KCNIP4: variants seen among roughly 807,000 people sequenced by gnomAD.
The protein encoded by KCNIP4 is potassium voltage-gated channel interacting protein 4.
Under a neutral mutation model 34.0 loss-of-function variants are expected in KCNIP4, and 12 were observed. The observed-to-expected ratio is 0.35, with a 90% CI of 0.23 to 0.57. The LOEUF is 0.57. Among genes scored for constraint, KCNIP4 ranks in the 20% least tolerant of loss-of-function variants. KCNIP4 has a pLI of 0.83. For synonymous variants in KCNIP4, 124 were observed against 102.2 expected (o/e 1.21, Z -1.29); for missense variants, 238 against 311.7 (o/e 0.76, Z 1.78).
intron 1 of KCNIP4, among the ~76,000 whole-genome samples, chr4:21,899,875 A>T (rs1041677175): frequency 6.6e-6 from 1 of 152,178 alleles, no homozygotes; most frequent in African/African-American, 2.4e-5. Context: ...TAAGCAATCT[A>T]CAGATTCAAT....
intron 1 of KCNIP4, among the ~76,000 whole-genome samples, chr4:20,887,514 C>T (rs927412625): frequency 5.3e-5 from 8 of 151,564 alleles, no homozygotes; most frequent in African/African-American, 1.5e-4. Flanking sequence ...GAAAAGGACC[C>T]GTACATACAA....
At chr4:21,125,090 G>T (rs1177567025) in intron 1 of KCNIP4, among the ~76,000 whole-genome samples, 4 of 150,356 alleles carry the variant, frequency 2.7e-5, no homozygotes, top group African/African-American at 9.8e-5. Context: ...TGAACTCTTT[G>T]CTATTGAGAA....
intron 1 of KCNIP4, among the ~76,000 whole-genome samples, chr4:21,062,070 G>A (rs78567813): frequency 0.098 from 14,912 of 152,132 alleles, 908 homozygotes; most frequent in African/African-American, 0.17. Context: ...TATGTGGTAC[G>A]TTGCTATGGC....
intron 1 of KCNIP4, among the ~76,000 whole-genome samples, chr4:21,915,438 T>G (rs1039901094): frequency 1.3e-5 from 2 of 152,230 alleles, no homozygotes; most frequent in Non-Finnish European, 2.9e-5. Flanking sequence ...TAGATAAGCA[T>G]CATTATGAAC....
At chr4:21,362,941 A>G (rs1261512360) in intron 1 of KCNIP4, among the ~76,000 whole-genome samples, 6 of 152,156 alleles carry the variant, frequency 3.9e-5, no homozygotes, top group African/African-American at 9.7e-5. Context: ...TTATTTAGCC[A>G]TATCTCCAGC....
chr4:21,371,349 G>T (rs1158023077), intron 1 of KCNIP4, among the ~76,000 whole-genome samples: 1 of 146,364 alleles, frequency 6.8e-6, no homozygotes, highest in Non-Finnish European at 1.5e-5. Context: ...CCCAGAATTG[G>T]AATAGTTTTG....
At chr4:20,962,388 C>T (rs557287322) in intron 1 of KCNIP4, among the ~76,000 whole-genome samples, 2 of 152,314 alleles carry the variant, frequency 1.3e-5, no homozygotes, top group South Asian at 2.1e-4. Flanking sequence ...TAACCAAAGC[C>T]TCCCACCTGG....
chr4:20,917,001 A>T (rs1304097210), intron 1 of KCNIP4, among the ~76,000 whole-genome samples: 1 of 3,756 alleles, frequency 2.7e-4, no homozygotes, highest in Non-Finnish European at 5.0e-4. Context: ...ATATATATAT[A>T]TATATATATA....
chr4:21,306,386 TGA>T (rs1028532646), intron 1 of KCNIP4, among the ~76,000 whole-genome samples: 2 of 152,174 alleles, frequency 1.3e-5, no homozygotes, highest in East Asian at 1.9e-4. Flanking sequence ...TTCTTTTTTT[TGA>T]GAGAGAGAGA....
chr4:21,053,108 C>G (rs1023556209), intron 1 of KCNIP4, among the ~76,000 whole-genome samples: 2 of 151,730 alleles, frequency 1.3e-5, no homozygotes, highest in African/African-American at 4.8e-5. Flanking sequence ...CCACTTCAGA[C>G]CAAAGGGACC....
At chr4:21,772,051 C>T (rs1718831671) in intron 1 of KCNIP4, among the ~76,000 whole-genome samples, 1 of 152,132 alleles carries the variant, frequency 6.6e-6, no homozygotes. Context: ...ATGATATTGG[C>T]TGTGGGTTTG....
At position 20,869,227 on chromosome 4, in the gene KCNIP4, C is replaced by T. The variant is rs1313122856; in HGVS notation, c.163+13381G>A. Among the ~76,000 whole-genome samples the T allele has an allele frequency of 1.1e-4, 16 of 152,106 alleles. No homozygotes were observed. In the South Asian group the frequency reaches 3.3e-3, roughly 32 times the overall value. ...AAGTATTCTGCACTAAAACATTTAT[C>T]CATCTATGTTTAAAAAAGCTATTAG... On this transcript the variant is annotated intron_variant, in intron 2 of 8. Transcript: ENST00000382152.
chr4:21,504,572 A>G (rs984123833), intron 1 of KCNIP4, among the ~76,000 whole-genome samples: 1 of 151,990 alleles, frequency 6.6e-6, no homozygotes, highest in African/African-American at 2.4e-5. Context: ...GGAAGGGAAA[A>G]ATAAATAAAT....
At chr4:21,390,416 T>C (rs1474002816) in intron 1 of KCNIP4, among the ~76,000 whole-genome samples, 1 of 152,216 alleles carries the variant, frequency 6.6e-6, no homozygotes, top group Non-Finnish European at 1.5e-5. Context: ...GGTTTTCTTC[T>C]AGGGTTTTTA....
At chr4:21,766,464 C>T (rs754368505) in intron 1 of KCNIP4, among the ~76,000 whole-genome samples, 8 of 152,132 alleles carry the variant, frequency 5.3e-5, no homozygotes, top group Admixed American at 5.2e-4. Context: ...CTCTGTTCCC[C>T]TTGCCTCCCC....
intron 1 of KCNIP4, among the ~76,000 whole-genome samples, chr4:21,089,627 T>C (rs1746797089): frequency 6.6e-6 from 1 of 152,118 alleles, no homozygotes; most frequent in Non-Finnish European, 1.5e-5. Context: ...TATCAAAAAG[T>C]AAAAAACTGG....
At chr4:21,103,113 A>G (rs1340394350) in intron 1 of KCNIP4, among the ~76,000 whole-genome samples, 1 of 151,942 alleles carries the variant, frequency 6.6e-6, no homozygotes, top group Non-Finnish European at 1.5e-5. Context: ...TAGATATATT[A>G]TGGGGAACAG....
At chr4:21,541,180 C>CAAAAAAAAAAAAAA (rs60459395) in intron 1 of KCNIP4, among the ~76,000 whole-genome samples, 143 of 107,356 alleles carry the variant, frequency 1.3e-3, no homozygotes, top group Non-Finnish European at 1.9e-3. Context: ...CAAAAGAAAA[C>CAAAAAAAAAAAAAA]AAAAAAAAAA....
chr4:21,919,135 T>C (rs1297990094), intron 1 of KCNIP4, among the ~76,000 whole-genome samples: 1 of 152,178 alleles, frequency 6.6e-6, no homozygotes, highest in Non-Finnish European at 1.5e-5. Flanking sequence ...GAGAGTTTTG[T>C]CTTAACAGTT....
Sources: gnomAD v4.1 joint callset for allele counts (sites outside exome capture counted in the v4.1 genomes callset) on GRCh38, gnomAD v4.1.1 for gene constraint, MANE v1.5 for transcripts, NCBI Gene and HGNC (gene_info 2026-07-23, HGNC 2026-07-21) for gene names.